UTRN: variants seen among roughly 807,000 people sequenced by gnomAD.
The protein encoded by UTRN is dystrophin-related protein 1.
UTRN carries 283 observed loss-of-function variants against 463.9 expected under a neutral mutation model. The ratio of observed to expected loss-of-function variants is 0.61; its 90% confidence interval spans 0.55 to 0.67. The LOEUF is 0.67. Among genes scored for constraint, UTRN ranks in the 30% least tolerant of loss-of-function variants. The pLI is 0.00. For missense variants in UTRN, 3,922 were observed against 4,084.3 expected (o/e 0.96, Z 1.08); for synonymous variants, 1,442 against 1,431.5 (o/e 1.01, Z -0.17).
intron 1 of UTRN, among the ~76,000 whole-genome samples, chr6:144,289,450 A>G (rs1166240277): frequency 1.3e-5 from 2 of 152,010 alleles, no homozygotes; most frequent in African/African-American, 4.8e-5. Context: ...AAACACCCAG[A>G]TGTCCTTTTT....
At chr6:144,576,844 T>C in intron 50 of UTRN, among the ~76,000 whole-genome samples, 1 of 152,328 alleles carries the variant, frequency 6.6e-6, no homozygotes, top group Admixed American at 6.5e-5. Flanking sequence ...AATGTAGTTA[T>C]AATTATTTTA....
intron 32 of UTRN, 48 bp downstream of exon 32, chr6:144,491,150 G>C (rs1303533189): frequency 6.5e-7 from 1 of 1,547,346 alleles, no homozygotes; most frequent in Admixed American, 1.8e-5. Context: ...TTCAGCAGCT[G>C]TTATGGCTTG....
chr6:144,649,553 G>A (rs898329215), intron 51 of UTRN, among the ~76,000 whole-genome samples: 1 of 152,164 alleles, frequency 6.6e-6, no homozygotes, highest in Admixed American at 6.5e-5. Flanking sequence ...CTGCATCACA[G>A]TTTAGTTATT....
intron 54 of UTRN, among the ~76,000 whole-genome samples, chr6:144,740,823 A>G (rs1789975871): frequency 6.6e-6 from 1 of 152,228 alleles, no homozygotes. Context: ...GAAGAATTAT[A>G]TGATAAAGAT....
chr6:144,847,385 C>CTGTTT (rs1782111962), intron 74 of UTRN, among the ~76,000 whole-genome samples: 3 of 151,940 alleles, frequency 2.0e-5, no homozygotes, highest in Admixed American at 2.0e-4. Flanking sequence ...GATTTGTAGC[C>CTGTTT]TGTTTTGTTT....
rs115808495 is a variant in UTRN at position 144,429,642 on chromosome 6, G to A, written c.756G>A (p.Glu252=). ...TTATGTATTTAACATCTTTGTTTGA[G>A]GTGCTACCTCAGCAAGTCACCATAG... The part of the protein sequence containing the change: ...SIIMYLTSLF[E]VLPQQVTIDA... The change falls in exon 9 of 75, where the codon GAG becomes GAA. Residue 252 remains glutamate (E), a synonymous_variant. Transcript: ENST00000367545. 77 of 1,612,036 alleles carry A rather than the reference G, an allele frequency of 4.8e-5. 1 individual carries two copies. In the African/African-American group the frequency reaches 8.3e-4, roughly 17 times the overall value.
chr6:144,375,250 C>T (rs58104509), intron 2 of UTRN, among the ~76,000 whole-genome samples: 9,532 of 152,204 alleles, frequency 0.063, 355 homozygotes, highest in African/African-American at 0.11. Flanking sequence ...ATATCCTAAG[C>T]GCTGTGATCC....
intron 54 of UTRN, among the ~76,000 whole-genome samples, chr6:144,735,789 C>T (rs889646427): frequency 3.3e-5 from 5 of 151,582 alleles, no homozygotes; most frequent in South Asian, 4.2e-4. Context: ...AGGGTTAAAA[C>T]GATATTGTAT....
chr6:144,610,138 T>A (rs1585549837), intron 51 of UTRN, among the ~76,000 whole-genome samples: 9 of 107,244 alleles, frequency 8.4e-5, no homozygotes, highest in South Asian at 3.0e-4. Context: ...TCAACAAAAC[T>A]AAGAGATTCT....
At chr6:144,614,466 G>C (rs1805860314) in intron 51 of UTRN, among the ~76,000 whole-genome samples, 1 of 152,076 alleles carries the variant, frequency 6.6e-6, no homozygotes, top group Non-Finnish European at 1.5e-5. Flanking sequence ...CATCCCTTTA[G>C]TCTCAGCTCA....
chr6:144,691,660 C>T (rs1783429783), intron 52 of UTRN, among the ~76,000 whole-genome samples: 1 of 152,116 alleles, frequency 6.6e-6, no homozygotes, highest in South Asian at 2.1e-4. Flanking sequence ...CTTCTATTTC[C>T]CAGTCTCTGA....
chr6:144,732,281 CACAT>C lies in UTRN; in HGVS notation c.7939+1797_7939+1800del, dbSNP rs1170125205. ...ATACACACATATATATATATATACACACATATATATATATACACATATATATATA... is the reference window on the plus strand; with the variant it reads ...ATACACACATATATATATATATACACATATATATATACACATATATATATA... On this transcript the variant is annotated intron_variant, in intron 54 of 74. Coordinates refer to ENST00000367545, the MANE Select transcript of UTRN (RefSeq NM_007124.3). Among the ~76,000 whole-genome samples the C allele has an allele frequency of 2.4e-3, 287 of 118,010 alleles. 3 individuals are homozygous for C. Among genetic ancestry groups the C allele is most frequent in the African/African-American group, 0.01 (275 of 27,334 alleles). The allele number at this position is 118,010 out of a possible 152,430, so 77.4% of individuals were successfully genotyped here. A position where few individuals can be genotyped will look rare whatever the true frequency, so the allele number is the denominator to read the frequency against.
At chr6:144,699,473 G>GTTTTTTTTTTTTTTTTTTTTT (rs71024902) in intron 52 of UTRN, among the ~76,000 whole-genome samples, 1 of 67,600 alleles carries the variant, frequency 1.5e-5, no homozygotes, top group African/African-American at 5.5e-5. Context: ...TTAGTCAGTG[G>GTTTTTTTTTTTTTTTTTTTTT]TTTTTTTTTT....
chr6:144,768,948 G>GTTTTTTTTTTTTTTTT (rs35525101), intron 58 of UTRN, among the ~76,000 whole-genome samples: 24 of 126,022 alleles, frequency 1.9e-4, no homozygotes, highest in East Asian at 9.4e-4. Flanking sequence ...TTTGTTTTTT[G>GTTTTTTTTTTTTTTTT]TTTTGTTTTG....
chr6:144,581,562 G>A (rs1283373445), intron 51 of UTRN, among the ~76,000 whole-genome samples: 3 of 152,082 alleles, frequency 2.0e-5, no homozygotes, highest in Admixed American at 6.6e-5. Context: ...GATTGTTTTA[G>A]ATTTTCTCCT....
rs994423255 is a variant in UTRN at position 144,590,858 on chromosome 6, A to G, written c.7479+13570A>G. 3.0e-3 allele frequency among the ~76,000 whole-genome samples: 384 copies of G among 128,076 alleles called. 1 individual carries two copies. The highest frequency in any genetic ancestry group is 0.013 in the African/African-American group (364 of 28,470). The allele number at this position is 128,076 out of a possible 152,430, so 84.0% of individuals were successfully genotyped here. A position where few individuals can be genotyped will look rare whatever the true frequency, so the allele number is the denominator to read the frequency against. Reference sequence around the variant, plus strand: ...TCTCTCAATCTACACACACACACACACACACACACACACACACGCACATGC... The same window carrying G: ...TCTCTCAATCTACACACACACACACGCACACACACACACACACGCACATGC... On this transcript the variant is annotated intron_variant, in intron 51 of 74. Coordinates refer to ENST00000367545, the MANE Select transcript of UTRN (RefSeq NM_007124.3).
At chr6:144,552,597 C>CT (rs1294040513) in intron 48 of UTRN, among the ~76,000 whole-genome samples, 1 of 152,182 alleles carries the variant, frequency 6.6e-6, no homozygotes, top group East Asian at 1.9e-4. Flanking sequence ...TGTACACACT[C>CT]TATTTTCTCT....
chr6:144,733,525 A>G (rs1335927369), intron 54 of UTRN, among the ~76,000 whole-genome samples: 1 of 151,088 alleles, frequency 6.6e-6, no homozygotes, highest in African/African-American at 2.5e-5. Context: ...AAAAAAAAAA[A>G]AACTTTGTAA....
intron 13 of UTRN, among the ~76,000 whole-genome samples, chr6:144,442,974 T>C (rs887473846): frequency 6.6e-6 from 1 of 152,212 alleles, no homozygotes; most frequent in Non-Finnish European, 1.5e-5. Flanking sequence ...ATGTGCATAG[T>C]AAAGTTTGAG....
Sources: allele counts gnomAD v4.1 joint callset (sites outside exome capture counted in the v4.1 genomes callset), GRCh38; gene constraint gnomAD v4.1.1; transcripts MANE v1.5; gene names NCBI Gene and HGNC (gene_info 2026-07-23, HGNC 2026-07-21).